CENPP: variants seen among roughly 807,000 people sequenced by gnomAD.
CENPP encodes the protein centromere protein P.
In CENPP, 24 loss-of-function variants were observed where a neutral mutation model predicts 35.6. That is an observed-to-expected ratio of 0.67 (90% CI 0.49 to 0.95). The LOEUF is 0.95. Among genes scored for constraint, CENPP ranks in the 40% least tolerant of loss-of-function variants. CENPP has a pLI of 0.00. For missense variants in CENPP, 332 were observed against 345.3 expected, an observed-to-expected ratio of 0.96 and a Z score of 0.31; for synonymous variants, 120 against 125.5, an observed-to-expected ratio of 0.96 and a Z score of 0.29.
chr9:92,500,579 A>T, intron 5 of CENPP: 1 of 712,798 alleles, frequency 1.4e-6, no homozygotes, highest in Non-Finnish European at 2.3e-6. Context: ...TTTGGTAATT[A>T]CTAACATTTG....
At chr9:92,450,022 A>G (rs1453233010) in intron 5 of CENPP, among the ~76,000 whole-genome samples, 1 of 152,212 alleles carries the variant, frequency 6.6e-6, no homozygotes, top group African/African-American at 2.4e-5. Flanking sequence ...TTGTTAGGTC[A>G]GCCACAACAG....
intron 5 of CENPP, among the ~76,000 whole-genome samples, chr9:92,581,744 A>G (rs1391270082): frequency 6.6e-6 from 1 of 152,208 alleles, no homozygotes; most frequent in Non-Finnish European, 1.5e-5. Context: ...TTGAGGTGCA[A>G]GAAGGAATAA....
intron 5 of CENPP, among the ~76,000 whole-genome samples, chr9:92,551,966 G>A (rs1468324074): frequency 8.3e-5 from 8 of 96,836 alleles, no homozygotes; most frequent in African/African-American, 1.8e-4. Flanking sequence ...ATATATATGT[G>A]TGATATATAT....
intron 5 of CENPP, among the ~76,000 whole-genome samples, chr9:92,463,105 T>A (rs1409699218): frequency 1.3e-5 from 2 of 152,226 alleles, no homozygotes; most frequent in Non-Finnish European, 2.9e-5. Flanking sequence ...AGCACACTTT[T>A]GTACCGGAAT....
intron 4 of CENPP, among the ~76,000 whole-genome samples, chr9:92,366,177 C>CAA (rs79052877): frequency 1.4e-3 from 74 of 51,656 alleles, no homozygotes; most frequent in South Asian, 2.0e-3. Context: ...GACTCCGTCT[C>CAA]AAAAAAAAAA....
intron 5 of CENPP, chr9:92,401,124 A>G: frequency 2.6e-6 from 4 of 1,542,182 alleles, no homozygotes; most frequent in Non-Finnish European, 3.6e-6. Context: ...TAATGGTGTT[A>G]TTGCCTCATC....
At chr9:92,595,282 T>A (rs1357577203) in intron 5 of CENPP, among the ~76,000 whole-genome samples, 4 of 152,042 alleles carry the variant, frequency 2.6e-5, no homozygotes, top group African/African-American at 9.7e-5. Context: ...CACTCTCTCA[T>A]CCAGGCTAGA....
intron 5 of CENPP, chr9:92,509,788 C>A: frequency 8.3e-7 from 1 of 1,199,036 alleles, no homozygotes; most frequent in Non-Finnish European, 1.1e-6. Flanking sequence ...GTTAAGTGAC[C>A]TAAAAATATT....
intron 5 of CENPP, among the ~76,000 whole-genome samples, chr9:92,526,266 A>G (rs1349161088): frequency 6.6e-6 from 1 of 152,226 alleles, no homozygotes; most frequent in Admixed American, 6.5e-5. Context: ...TAAAAATAGA[A>G]AAAAGCTTAC....
At chr9:92,536,923 G>A (rs1344104983) in intron 5 of CENPP, among the ~76,000 whole-genome samples, 1 of 148,104 alleles carries the variant, frequency 6.8e-6, no homozygotes, top group Non-Finnish European at 1.5e-5. Flanking sequence ...AGGCTAGAGT[G>A]CAATGTCGTG....
intron 4 of CENPP, among the ~76,000 whole-genome samples, chr9:92,366,096 T>C (rs1588063324): frequency 1.4e-5 from 2 of 146,904 alleles, no homozygotes; most frequent in Non-Finnish European, 3.0e-5. Flanking sequence ...AGGAGAATGG[T>C]GTGAACCTGG....
At chr9:92,541,225 C>T (rs536412526) in intron 5 of CENPP, among the ~76,000 whole-genome samples, 7 of 152,220 alleles carry the variant, frequency 4.6e-5, no homozygotes, top group East Asian at 1.9e-4. Context: ...CGCCACTGCA[C>T]GCCAGCCTGG....
chr9:92,542,205 G>C (rs544767614), intron 5 of CENPP, among the ~76,000 whole-genome samples: 29 of 152,112 alleles, frequency 1.9e-4, no homozygotes, highest in Non-Finnish European at 3.4e-4. Flanking sequence ...TTTCTTAAAG[G>C]GAGATGTATT....
intron 5 of CENPP, among the ~76,000 whole-genome samples, chr9:92,509,505 C>A (rs1847208548): frequency 6.6e-6 from 1 of 152,138 alleles, no homozygotes. Context: ...TAAAGGAGAT[C>A]CAATCAACAA....
chr9:92,338,840 G>A lies in CENPP; in HGVS notation c.378+1211G>A, dbSNP rs375662343. Among the ~76,000 whole-genome samples the A allele has an allele frequency of 1.1e-3, 160 of 152,220 alleles. 1 individual carries two copies. Among genetic ancestry groups the A allele is most frequent in the African/African-American group, 3.6e-3 (149 of 41,530 alleles). On this transcript the variant is annotated intron_variant, in intron 3 of 7. Transcript: ENST00000375587. ...TTGGGGCTGGATGATCTTGTACCTC[G>A]TATTGAACTGCTGAGACACAACAGA... is the stretch of plus-strand genomic sequence containing the variant.
chr9:92,440,081 G>A (rs992094432), intron 5 of CENPP, among the ~76,000 whole-genome samples: 9 of 152,136 alleles, frequency 5.9e-5, no homozygotes, highest in African/African-American at 2.2e-4. Context: ...GAAGTCCTGT[G>A]CTGTCCAGCT....
At chr9:92,445,536 T>C (rs1844530285) in intron 5 of CENPP, among the ~76,000 whole-genome samples, 1 of 152,142 alleles carries the variant, frequency 6.6e-6, no homozygotes, top group Admixed American at 6.5e-5. Flanking sequence ...TAAAAATCAA[T>C]GAATTGTATA....
At chr9:92,546,334 C>T (rs532523705) in intron 5 of CENPP, among the ~76,000 whole-genome samples, 10 of 152,312 alleles carry the variant, frequency 6.6e-5, no homozygotes, top group African/African-American at 1.7e-4. Flanking sequence ...CACCAGAGGT[C>T]CCCTTCCACT....
At chr9:92,401,338 A>G (rs1424824381) in intron 5 of CENPP, among the ~76,000 whole-genome samples, 2 of 152,168 alleles carry the variant, frequency 1.3e-5, no homozygotes, top group Non-Finnish European at 2.9e-5. Context: ...TTTATCATCT[A>G]TTAAATTACA....
Sources: gnomAD v4.1 joint callset for allele counts (sites outside exome capture counted in the v4.1 genomes callset) on GRCh38, gnomAD v4.1.1 for gene constraint, MANE v1.5 for transcripts, NCBI Gene and HGNC (gene_info 2026-07-23, HGNC 2026-07-21) for gene names.